CPA5: variants seen among roughly 807,000 people sequenced by gnomAD.
CPA5 encodes carboxypeptidase A5.
A neutral mutation model predicts 52.2 loss-of-function variants in CPA5; 38 were observed. The observed-to-expected ratio is 0.73, with a 90% CI of 0.56 to 0.95. The LOEUF (loss-of-function observed/expected upper bound fraction) is 0.95, where lower values mean the gene tolerates loss of function less well. Among genes scored for constraint, CPA5 ranks in the 40% least tolerant of loss-of-function variants. The pLI is 0.00. For synonymous variants in CPA5, 198 were observed against 213.7 expected, an observed-to-expected ratio of 0.93 and a Z score of 0.64; for missense variants, 519 against 566.7, an observed-to-expected ratio of 0.92 and a Z score of 0.86.
downstream of CPA5, among the ~76,000 whole-genome samples, chr7:130,369,386 C>T (rs1290628269): frequency 6.6e-6 from 1 of 152,218 alleles, no homozygotes; most frequent in Admixed American, 6.5e-5. Context: ...GACTCCTTCC[C>T]CCAGCCCCAG....
rs1795028911 is a variant in CPA5 at position 130,349,994 on chromosome 7, C to T, written c.218C>T (p.Pro73Leu). 6.2e-7 allele frequency: 1 copy of T among 1,613,498 alleles called. No homozygotes were observed. The highest frequency in any genetic ancestry group is 1.7e-5 in the Admixed American group (1 of 59,912). The change falls in exon 5 of 13, where the codon CCA becomes CTA. Residue 73 changes from proline to leucine, a missense_variant. Transcript: ENST00000474905. ...AACAAGGTGGACTTCTGGCGTGGCC[C>T]AGCCAGGCCCAGCCTCCCTGTGGAT... The part of the protein sequence containing the change: ...KPQKVDFWRG[P>L]ARPSLPVDMR...
At chr7:130,369,289 G>T (rs117698876), downstream of CPA5, among the ~76,000 whole-genome samples, 1 of 150,796 alleles carries the variant, frequency 6.6e-6, no homozygotes, top group Non-Finnish European at 1.5e-5. Context: ...CATCATCAGC[G>T]ACACCATCCT....
chr7:130,364,418 C>A (rs1281667827), intron 10 of CPA5, among the ~76,000 whole-genome samples: 1 of 152,234 alleles, frequency 6.6e-6, no homozygotes, highest in Non-Finnish European at 1.5e-5. Context: ...GTCTCAAACT[C>A]CTGACTTCAG....
At chr7:130,361,013 G>A (rs1795761211) in intron 6 of CPA5, 130 bp from the exon 7 acceptor site, 1 of 626,464 alleles carries the variant, frequency 1.6e-6, no homozygotes. Context: ...GGTTCTTTTA[G>A]ACCCTCGAGG....
downstream of CPA5, among the ~76,000 whole-genome samples, chr7:130,372,599 G>C (rs1201764312): frequency 6.6e-6 from 1 of 152,150 alleles, no homozygotes. Context: ...AAGAGCAAGG[G>C]GCAAACAAGT....
downstream of CPA5, among the ~76,000 whole-genome samples, chr7:130,371,468 G>A (rs1796293759): frequency 6.6e-6 from 1 of 152,134 alleles, no homozygotes; most frequent in East Asian, 1.9e-4. Flanking sequence ...GGCTCTGCAG[G>A]ATCAGGGATG....
At chr7:130,355,724 T>G (rs1444278875) in intron 5 of CPA5, among the ~76,000 whole-genome samples, 2 of 152,204 alleles carry the variant, frequency 1.3e-5, no homozygotes, top group African/African-American at 2.4e-5. Context: ...GAGAACATTT[T>G]AAAGTATGTG....
In CPA5 at chr7:130,359,651, C is replaced by T; in HGVS notation, c.396C>T (p.Asn132=). Residue 132 remains asparagine (N), a synonymous_variant, in exon 6 of 13, where the codon AAC becomes AAT. Coordinates refer to ENST00000474905, the MANE Select transcript of CPA5 (RefSeq NM_080385.5). ...AKSRRLERST[N]SFSYSSYHTL... is the part of the protein sequence containing the mutation. ...CCCGCCGGCTGGAGCGCAGCACCAACAGCTTCAGTTACTCATCATACCACA... is the reference window on the plus strand; with the variant it reads ...CCCGCCGGCTGGAGCGCAGCACCAATAGCTTCAGTTACTCATCATACCACA... The T allele has an allele frequency of 6.3e-7, 1 of 1,586,422 alleles. No individual in the cohort carries two copies. The highest frequency in any genetic ancestry group is 8.6e-7 in the Non-Finnish European group (1 of 1,166,400).
downstream of CPA5, among the ~76,000 whole-genome samples, chr7:130,369,321 T>C (rs1796263685): frequency 6.6e-6 from 1 of 152,168 alleles, no homozygotes; most frequent in East Asian, 1.9e-4. Flanking sequence ...CTGAGCTGTG[T>C]TAAGTAGGCA....
At chr7:130,368,080 C>A in intron 12 of CPA5, 90 bp downstream of exon 12, 1 of 1,222,078 alleles carries the variant, frequency 8.2e-7, no homozygotes, top group Non-Finnish European at 1.2e-6. Context: ...TGTGCTGGCC[C>A]AAAGCTGCCT....
At chr7:130,350,649 G>A (rs1795078530) in intron 5 of CPA5, among the ~76,000 whole-genome samples, 1 of 152,204 alleles carries the variant, frequency 6.6e-6, no homozygotes. Flanking sequence ...ATCCCCCCAG[G>A]CAGCATTCTC....
intron 5 of CPA5, among the ~76,000 whole-genome samples, chr7:130,357,749 G>A (rs1463496358): frequency 2.6e-5 from 4 of 152,108 alleles, no homozygotes; most frequent in Non-Finnish European, 5.9e-5. Context: ...GAATATTTTG[G>A]TTTATATTTT....
chr7:130,352,769 A>G (rs1249671249), intron 5 of CPA5, among the ~76,000 whole-genome samples: 1 of 152,068 alleles, frequency 6.6e-6, no homozygotes, highest in Non-Finnish European at 1.5e-5. Context: ...GCCAGGCAAG[A>G]AATTATCTGA....
chr7:130,351,734 C>T (rs1554404002), intron 5 of CPA5, among the ~76,000 whole-genome samples: 1 of 152,114 alleles, frequency 6.6e-6, no homozygotes, highest in Admixed American at 6.5e-5. Context: ...ACGGGAAGAG[C>T]TTTGCACCCC....
rs373184807 is a variant in CPA5, at chr7:130,368,696, G to A, written c.*99G>A. On this transcript the variant is annotated 3_prime_UTR_variant, in exon 13 of 13. Coordinates refer to ENST00000474905, the MANE Select transcript of CPA5 (RefSeq NM_080385.5). Reference sequence around the variant, plus strand: ...ATCCCCATCCCCATGCCCTCATCCCGACCTCTTAGAAAATAAATACAAGTT... The same window carrying A: ...ATCCCCATCCCCATGCCCTCATCCCAACCTCTTAGAAAATAAATACAAGTT... 4.9e-6 allele frequency: 6 copies of A among 1,232,108 alleles called. No individual in the cohort carries two copies. Among genetic ancestry groups the A allele is most frequent in the Non-Finnish European group, 6.9e-6 (6 of 866,566 alleles). 76.3% of individuals were successfully genotyped at this position (1,232,108 alleles called of 1,614,324 possible). A position where few individuals can be genotyped will look rare whatever the true frequency, so the allele number is the denominator to read the frequency against.
chr7:130,362,547 T>C lies in CPA5; in HGVS notation c.636+8T>C. 2 of 1,605,346 alleles carry C rather than the reference T, an allele frequency of 1.2e-6. No individual in the cohort carries two copies. Among genetic ancestry groups the C allele is most frequent in the Non-Finnish European group, 1.7e-6 (2 of 1,172,468 alleles). On this transcript the variant is annotated splice_region_variant and intron_variant, in intron 8 of 12. Coordinates refer to ENST00000474905, the MANE Select transcript of CPA5 (RefSeq NM_080385.5). ...ATCTGGACTGCCAATAAGGTCAGCA[T>C]GGACCTGTAGCCAAGGTGCACCCAC...
At chr7:130,347,248 C>T (rs1308762195) in intron 3 of CPA5, among the ~76,000 whole-genome samples, 1 of 152,236 alleles carries the variant, frequency 6.6e-6, no homozygotes, top group East Asian at 1.9e-4. Context: ...CACTCACCTC[C>T]ATCGGGAAGG....
intron 5 of CPA5, among the ~76,000 whole-genome samples, chr7:130,350,438 G>C (rs894904699): frequency 5.9e-5 from 9 of 152,188 alleles, no homozygotes; most frequent in African/African-American, 2.2e-4. Context: ...CCCAGGCACC[G>C]TGGGAAGGTG....
Position 130,367,412 on chromosome 7 carries a change from C to T in CPA5, c.879C>T (p.His293=), listed in dbSNP as rs564509468. ...SNSNPCSETY[H]GPSPQSEPEV... is the part of the protein sequence containing the mutation. ...GCAACCCCTGCTCAGAAACTTATCA[C>T]GGGCCCTCCCCTCAGTCGGAGCCGG... Residue 293 remains histidine, a synonymous_variant, in exon 11 of 13, where the codon CAC becomes CAT. Transcript: ENST00000474905. 30 of 1,614,150 alleles carry T rather than the reference C, an allele frequency of 1.9e-5. No individual in the cohort carries two copies. In the South Asian group the frequency reaches 2.6e-4, roughly 14 times the overall value.
Sources: gnomAD v4.1 joint callset for allele counts (sites outside exome capture counted in the v4.1 genomes callset) on GRCh38, gnomAD v4.1.1 for gene constraint, MANE v1.5 for transcripts, NCBI Gene and HGNC (gene_info 2026-07-23, HGNC 2026-07-21) for gene names.